The following ATG13 variants were observed in gnomAD, a reference collection of about 807,000 sequenced individuals.
ATG13 encodes the protein autophagy-related protein 13.
A neutral mutation model predicts 65.5 loss-of-function variants in ATG13; 23 were observed. The observed-to-expected ratio is 0.35, with a 90% confidence interval of 0.25 to 0.50. The LOEUF is 0.50. ATG13 is among the 20% of genes least tolerant of loss of function. ATG13 has a pLI of 0.98. For synonymous variants in ATG13, 252 were observed against 245.2 expected (o/e 1.03, Z -0.26); for missense variants, 566 against 677.0 (o/e 0.84, Z 1.82).
chr11:46,669,435 C>A lies in ATG13; in HGVS notation c.1478C>A (p.Pro493Gln), dbSNP rs763642397. The part of the protein sequence containing the change: ...KPAFSKDDIL[P>Q]MDLGTFYREF... The stretch of plus-strand genomic sequence containing the variant: ...GCTTTTTCTAAAGATGACATTCTTC[C>A]GATGGACCTGGGGACCTTCTATCGG... Residue 493 changes from proline to glutamine, a missense_variant, in exon 18 of 19, where the codon CCG becomes CAG. This residue lies in a region of ATG13 where 387 missense variants were observed against 409.8 expected (regional missense o/e 0.94). Coordinates refer to ENST00000683050, the MANE Select transcript of ATG13 (RefSeq NM_001346311.2). The A allele has an allele frequency of 2.5e-6, 4 of 1,613,948 alleles. No individual in the cohort carries two copies. Among genetic ancestry groups the A allele is most frequent in the Non-Finnish European group, 3.4e-6 (4 of 1,179,978 alleles).
chr11:46,645,388 G>A lies in ATG13; in HGVS notation c.119G>A (p.Arg40His), dbSNP rs142536582. The A allele has an allele frequency of 6.8e-5, 110 of 1,613,372 alleles. 1 individual carries two copies. The highest frequency in any genetic ancestry group is 3.5e-4 in the African/African-American group (26 of 74,748). The change falls in exon 4 of 19, where the codon CGT becomes CAT. Residue 40 changes from arginine (R) to histidine (H), a missense_variant. Around this residue, in one of 2 missense-constraint regions of ATG13, gnomAD observed 179 missense variants for 267.2 expected, o/e 0.67. Coordinates refer to ENST00000683050, the MANE Select transcript of ATG13 (RefSeq NM_001346311.2). ...CGGCTTGGTGAAAAGATTTGCACTC[G>A]TTCATCATCTTCTCCAACGGGTTCA... ...QARLGEKICTRSSSSPTGSDW... is the reference protein window; with the variant it reads ...QARLGEKICTHSSSSPTGSDW...
chr11:46,663,827 C>CT (rs1277376428), intron 11 of ATG13, among the ~76,000 whole-genome samples, 170 bp from the exon 12 acceptor site: 1 of 152,182 alleles, frequency 6.6e-6, no homozygotes, highest in Non-Finnish European at 1.5e-5. Context: ...CAAGTTGTCC[C>CT]TTTGGAAAGA....
At chr11:46,645,768 T>C (rs1008922338) in intron 4 of ATG13, 102 bp from the exon 5 acceptor site, 1 of 1,487,152 alleles carries the variant, frequency 6.7e-7, no homozygotes, top group Non-Finnish European at 9.2e-7. Flanking sequence ...ATTGTCTTCC[T>C]TAATCAGCCA....
At chr11:46,670,965 T>C (rs1214823168) in intron 18 of ATG13, among the ~76,000 whole-genome samples, 1 of 152,210 alleles carries the variant, frequency 6.6e-6, no homozygotes, top group Non-Finnish European at 1.5e-5. Flanking sequence ...TTGCTCATAG[T>C]CACACAGACC....
At position 46,617,565 on chromosome 11, in the gene ATG13, A is replaced by G. The variant is rs1391823599; in HGVS notation, c.-395A>G. The G allele has an allele frequency of 8.6e-6, 1 of 115,778 alleles. No homozygotes were observed. The highest frequency in any genetic ancestry group is 3.1e-4 in the South Asian group (1 of 3,248). 7.2% of individuals were successfully genotyped at this position (115,778 alleles called of 1,614,324 possible). ...ACCCCCCCCCCCCGGCCATTACCGAAGCGGATGAAAACAAACACTAACGAT... is the reference window on the plus strand; with the variant it reads ...ACCCCCCCCCCCCGGCCATTACCGAGGCGGATGAAAACAAACACTAACGAT... On this transcript the variant is annotated 5_prime_UTR_variant, in exon 1 of 19. Coordinates refer to ENST00000683050, the MANE Select transcript of ATG13 (RefSeq NM_001346311.2).
Position 46,656,046 on chromosome 11 carries a change from C to G in ATG13, c.459-187C>G, listed in dbSNP as rs539826324. Among the ~76,000 whole-genome samples the G allele has an allele frequency of 7.9e-5, 12 of 152,246 alleles. No homozygotes were observed. In the South Asian group the frequency reaches 2.3e-3, roughly 29 times the overall value. On this transcript the variant is annotated intron_variant, in intron 7 of 18. Coordinates refer to ENST00000683050, the MANE Select transcript of ATG13 (RefSeq NM_001346311.2). Reference sequence around the variant, plus strand: ...TTATTTTCCTTATTTTTTAACCAACCCACTCTGTACGTCTCCATGCCTGTA... The same window carrying G: ...TTATTTTCCTTATTTTTTAACCAACGCACTCTGTACGTCTCCATGCCTGTA...
chr11:46,619,846 G>A (rs2046830354), intron 1 of ATG13, among the ~76,000 whole-genome samples: 3 of 151,604 alleles, frequency 2.0e-5, no homozygotes, highest in Non-Finnish European at 4.4e-5. Context: ...TGGCCAACAA[G>A]GTGAAACCCC....
intron 5 of ATG13, among the ~76,000 whole-genome samples, chr11:46,647,271 G>T (rs1376375453): frequency 2.3e-5 from 3 of 132,900 alleles, no homozygotes; most frequent in Non-Finnish European, 4.8e-5. Context: ...TTGGGTTTTT[G>T]TTTTTTTTGT....
chr11:46,629,069 A>G (rs1219646662), intron 1 of ATG13, among the ~76,000 whole-genome samples: 9 of 151,800 alleles, frequency 5.9e-5, no homozygotes. Context: ...TAGCCTTCCA[A>G]GCAGCTGGAA....
chr11:46,671,311 C>T (rs943996403), intron 18 of ATG13, among the ~76,000 whole-genome samples: 1 of 152,212 alleles, frequency 6.6e-6, no homozygotes. Context: ...ATTTAGTCAT[C>T]AGTAGAGACG....
intron 11 of ATG13, among the ~76,000 whole-genome samples, chr11:46,662,695 C>T (rs1358249367): frequency 6.6e-6 from 1 of 152,210 alleles, no homozygotes; most frequent in Non-Finnish European, 1.5e-5. Flanking sequence ...GAGAGACAGT[C>T]ATTTGCTATC....
At chr11:46,627,485 T>C (rs2050103766) in intron 1 of ATG13, among the ~76,000 whole-genome samples, 1 of 152,094 alleles carries the variant, frequency 6.6e-6, no homozygotes, top group Non-Finnish European at 1.5e-5. Context: ...AAAAGCTTTT[T>C]TTGAGAAGAA....
intron 18 of ATG13, 150 bp downstream of exon 18, chr11:46,669,682 C>A: frequency 9.7e-7 from 1 of 1,030,154 alleles, no homozygotes; most frequent in Non-Finnish European, 1.4e-6. Context: ...TTGAGATTGG[C>A]ATTGTGCCCA....
rs756773210 is a variant in ATG13, at chr11:46,664,975, G to A, written c.999+16G>A. 3.7e-6 allele frequency: 6 copies of A among 1,608,238 alleles called. No homozygotes were observed. In the East Asian group the frequency reaches 6.7e-5, roughly 18 times the overall value. On this transcript the variant is annotated intron_variant, in intron 13 of 18. Coordinates refer to ENST00000683050, the MANE Select transcript of ATG13 (RefSeq NM_001346311.2). ...CCCTCACCAGGTATCTTTAAAGATG[G>A]GGAGGACTATGGGTTTCCAGTGCTG...
chr11:46,672,269 G>A lies in ATG13; in HGVS notation c.1590G>A (p.Glu530=). The change falls in exon 19 of 19, where the codon GAG becomes GAA. Residue 530 remains glutamate, a synonymous_variant. Coordinates refer to ENST00000683050, the MANE Select transcript of ATG13 (RefSeq NM_001346311.2). ...TTCCGGTACAGGACTCATTACCAGA[G>A]AAGCTGGCTGTGCATGAGAAGAATG... is the stretch of plus-strand genomic sequence containing the variant. ...SMAEDLDSLP[E]KLAVHEKNVR... 6.2e-7 allele frequency: 1 copy of A among 1,614,234 alleles called. No homozygotes were observed. The highest frequency in any genetic ancestry group is 8.5e-7 in the Non-Finnish European group (1 of 1,180,052).
At chr11:46,629,365 A>G (rs993002066) in intron 1 of ATG13, among the ~76,000 whole-genome samples, 1 of 152,038 alleles carries the variant, frequency 6.6e-6, no homozygotes, top group Non-Finnish European at 1.5e-5. Context: ...TGTGAGATTC[A>G]TCTATTTGTG....
rs1419821424 is a variant in ATG13, at chr11:46,657,435, A to G, written c.597-89A>G. 3.1e-6 allele frequency: 4 copies of G among 1,276,536 alleles called. No homozygotes were observed. The South Asian group carries it at 4.8e-5, about 15-fold the overall frequency. 79.1% of individuals were successfully genotyped at this position (1,276,536 alleles called of 1,614,324 possible). On this transcript the variant is annotated intron_variant, in intron 9 of 18. Coordinates refer to ENST00000683050, the MANE Select transcript of ATG13 (RefSeq NM_001346311.2). Reference sequence around the variant, plus strand: ...GTTAAAGCTCTGGTAGTGCCTGCCAACAGATGTAAGGTGAGGGGCCCTCTG... The same window carrying G: ...GTTAAAGCTCTGGTAGTGCCTGCCAGCAGATGTAAGGTGAGGGGCCCTCTG...
chr11:46,668,415 C>A, intron 15 of ATG13, 84 bp from the exon 16 acceptor site: 1 of 1,380,556 alleles, frequency 7.2e-7, no homozygotes, highest in Non-Finnish European at 1.0e-6. Flanking sequence ...ACTTGCTGGA[C>A]CTCTAGGCTT....
chr11:46,617,945 GCTGTGGATCTGCGGCC>G, intron 1 of ATG13, 55 bp downstream of exon 1: 1 of 399,148 alleles, frequency 2.5e-6, no homozygotes, highest in Non-Finnish European at 4.4e-6. Context: ...CGGGTGGGAG[GCTGTGGATCTGCGGCC>G]CCTTGGCTGC....
Sources: allele counts gnomAD v4.1 joint callset (sites outside exome capture counted in the v4.1 genomes callset), GRCh38; gene constraint gnomAD v4.1.1; regional missense constraint gnomAD v4.1.1; transcripts MANE v1.5; gene names NCBI Gene and HGNC (gene_info 2026-07-23, HGNC 2026-07-21).